The following ADCY5 variants were observed in gnomAD, a reference collection of about 807,000 sequenced individuals.
ADCY5 encodes the protein adenylate cyclase 5, also known as adenylate cyclase type 5.
A neutral mutation model predicts 119.7 loss-of-function variants in ADCY5; 30 were observed. The ratio of observed to expected loss-of-function variants is 0.25; its 90% CI spans 0.19 to 0.34. The LOEUF (loss-of-function observed/expected upper bound fraction) is 0.34. Among genes scored for constraint, ADCY5 ranks in the 10% least tolerant of loss-of-function variants. ADCY5 has a pLI of 1.00. For synonymous variants in ADCY5, 753 were observed against 762.2 expected (o/e 0.99, Z 0.20); for missense variants, 1,324 against 1,775.2 (o/e 0.75, Z 4.57).
intron 1 of ADCY5, among the ~76,000 whole-genome samples, chr3:123,408,604 C>T (rs987934348): frequency 4.0e-5 from 6 of 150,366 alleles, no homozygotes; most frequent in African/African-American, 1.5e-4. Context: ...TGCAGTGAGC[C>T]GAGATGGCGC....
chr3:123,363,210 A>G (rs1431647913), intron 1 of ADCY5, among the ~76,000 whole-genome samples: 1 of 151,524 alleles, frequency 6.6e-6, no homozygotes, highest in East Asian at 1.9e-4. Context: ...TGAATAAGCT[A>G]TTCAAAGTAA....
intron 3 of ADCY5, among the ~76,000 whole-genome samples, chr3:123,333,228 C>T (rs983275948): frequency 2.0e-5 from 3 of 152,304 alleles, no homozygotes; most frequent in Non-Finnish European, 2.9e-5. Flanking sequence ...AGAAGGTGGC[C>T]GTCAGCAACC....
chr3:123,432,573 C>T (rs1401189388), intron 1 of ADCY5, among the ~76,000 whole-genome samples: 2 of 152,116 alleles, frequency 1.3e-5, no homozygotes, highest in Non-Finnish European at 2.9e-5. Context: ...GCTCCGTGCC[C>T]AGGCTGGAGT....
intron 3 of ADCY5, among the ~76,000 whole-genome samples, chr3:123,345,604 C>T (rs1212732156): frequency 6.6e-6 from 1 of 152,154 alleles, no homozygotes; most frequent in East Asian, 1.9e-4. Context: ...CCACTTTAAA[C>T]CTGAGCCTAT....
chr3:123,341,119 C>T (rs1942263522), intron 3 of ADCY5, among the ~76,000 whole-genome samples: 1 of 150,438 alleles, frequency 6.6e-6, no homozygotes, highest in South Asian at 2.1e-4. Context: ...AGTGAGACTC[C>T]ATCTCAAAAA....
intron 1 of ADCY5, chr3:123,419,134 G>A (rs1037141505): frequency 1.4e-5 from 14 of 984,644 alleles, no homozygotes; most frequent in African/African-American, 1.7e-5. Context: ...TCCAGGGAAC[G>A]CTGATAGTGC....
chr3:123,398,235 C>A (rs1311259330), intron 1 of ADCY5, among the ~76,000 whole-genome samples: 1 of 152,086 alleles, frequency 6.6e-6, no homozygotes, highest in Non-Finnish European at 1.5e-5. Context: ...AAAGTTCCCC[C>A]CTGCCAAAAC....
chr3:123,324,801 G>A (rs1199355698), intron 8 of ADCY5, among the ~76,000 whole-genome samples: 1 of 152,204 alleles, frequency 6.6e-6, no homozygotes, highest in African/African-American at 2.4e-5. Flanking sequence ...GCATTAGTGG[G>A]GGGTCTTTCT....
intron 1 of ADCY5, chr3:123,416,295 C>T (rs1295866898): frequency 1.3e-6 from 2 of 1,535,770 alleles, no homozygotes; most frequent in Admixed American, 3.9e-5. Context: ...CAGACGCTTC[C>T]CCAAAAAGGG....
chr3:123,308,030 T>C (rs1325995875), intron 12 of ADCY5, among the ~76,000 whole-genome samples: 1 of 73,982 alleles, frequency 1.4e-5, no homozygotes, highest in Non-Finnish European at 2.7e-5. Flanking sequence ...TTCATGCTCT[T>C]TTTTTTTTTT....
At chr3:123,300,721 G>A (rs1939800183) in intron 14 of ADCY5, among the ~76,000 whole-genome samples, 1 of 152,198 alleles carries the variant, frequency 6.6e-6, no homozygotes. Context: ...ACCGTGGGGA[G>A]CCCCTAATCT....
intron 7 of ADCY5, 104 bp from the exon 8 acceptor site, chr3:123,325,566 T>C: frequency 7.0e-7 from 1 of 1,436,866 alleles, no homozygotes; most frequent in Non-Finnish European, 9.7e-7. Flanking sequence ...CTAAGGCAGC[T>C]GCCCTTTCCT....
intron 1 of ADCY5, among the ~76,000 whole-genome samples, chr3:123,422,020 G>A (rs566142764): frequency 1.1e-4 from 17 of 152,148 alleles, no homozygotes; most frequent in African/African-American, 1.7e-4. Flanking sequence ...CACATTACCC[G>A]GTGTTTCTCC....
chr3:123,296,880 C>G (rs1939547062), intron 16 of ADCY5: 1 of 972,894 alleles, frequency 1.0e-6, no homozygotes, highest in Non-Finnish European at 1.5e-6. Context: ...AAGAGCTCAA[C>G]CCCTGGAAGG....
chr3:123,447,924 A>T lies in ADCY5; in HGVS notation c.622T>A (p.Cys208Ser). Residue 208 changes from cysteine to serine, a missense_variant, in exon 1 of 21, where the codon TGC becomes AGC. Physicochemically the swap from Cys to Ser is moderately radical, Grantham distance 112 (BLOSUM62 -1). This residue lies in a region of ADCY5 where 585 missense variants were observed against 569.9 expected (regional missense o/e 1.03). Transcript: ENST00000462833. ...AATATCTGCAGCAACGCCAGGCAGC[A>T]GGCGCCCAGGGACAGCACCGCGCCG... ...GPGAVLSLGA[C>S]CLALLQIFRS... 6.2e-7 allele frequency: 1 copy of T among 1,605,506 alleles called. No homozygotes were observed. The highest frequency in any genetic ancestry group is 8.5e-7 in the Non-Finnish European group (1 of 1,175,790).
chr3:123,353,371 G>A (rs927990171), intron 1 of ADCY5, among the ~76,000 whole-genome samples: 4 of 152,188 alleles, frequency 2.6e-5, no homozygotes, highest in African/African-American at 9.7e-5. Flanking sequence ...AAGGTTATAC[G>A]GTACATTCAG....
At position 123,449,000 on chromosome 3, in the gene ADCY5, C is replaced by CGG. The variant is rs1440840945; in HGVS notation, c.-457_-456dup. 6.4e-6 allele frequency: 1 copy of CGG among 157,304 alleles called. No individual in the cohort carries two copies. Among genetic ancestry groups the CGG allele is most frequent in the Admixed American group, 6.5e-5 (1 of 15,360 alleles). The allele number at this position is 157,304 out of a possible 1,614,324, so 9.7% of individuals were successfully genotyped here. On this transcript the variant is annotated 5_prime_UTR_variant, in exon 1 of 21. Transcript: ENST00000462833. Reference sequence around the variant, plus strand: ...CGCCTAAGCGGAGCCCAGCTGCTCTCGGGGCTCGGCGGCGGCGAGGGCGGC... The same window carrying CGG: ...CGCCTAAGCGGAGCCCAGCTGCTCTCGGGGGGCTCGGCGGCGGCGAGGGCGGC...
intron 12 of ADCY5, among the ~76,000 whole-genome samples, chr3:123,305,159 C>G (rs1461362513): frequency 2.6e-5 from 4 of 152,202 alleles, no homozygotes; most frequent in Non-Finnish European, 5.9e-5. Context: ...TCTCTGAAGT[C>G]TCCTATTTGT....
chr3:123,332,750 T>C, intron 3 of ADCY5, 75 bp from the exon 4 acceptor site: 2 of 975,732 alleles, frequency 2.0e-6, no homozygotes, highest in East Asian at 5.2e-5. Flanking sequence ...ACATTACATC[T>C]TTTTTTTCTT....
Sources: allele counts gnomAD v4.1 joint callset (sites outside exome capture counted in the v4.1 genomes callset), GRCh38; gene constraint gnomAD v4.1.1; regional missense constraint gnomAD v4.1.1; transcripts MANE v1.5; gene names NCBI Gene and HGNC (gene_info 2026-07-23, HGNC 2026-07-21).